ZNF608: variants seen among roughly 807,000 people sequenced by gnomAD.
ZNF608 encodes the protein renal carcinoma antigen NY-REN-36.
ZNF608 carries 12 observed loss-of-function variants against 109.0 expected under a neutral mutation model. That is an observed-to-expected ratio of 0.11 (90% confidence interval 0.07 to 0.18). The LOEUF (loss-of-function observed/expected upper bound fraction) is 0.18. Ranked by LOEUF, ZNF608 falls within the 10% of genes least tolerant of loss-of-function variation. The probability of loss-of-function intolerance (pLI) is 1.00; values close to 1 mark genes in which losing one functional copy is unlikely to be tolerated. For missense variants in ZNF608, 1,707 were observed against 1,879.3 expected, an observed-to-expected ratio of 0.91 and a Z score of 1.70; for synonymous variants, 732 against 717.4, an observed-to-expected ratio of 1.02 and a Z score of -0.33.
At chr5:124,650,423 G>T (rs116669705) in intron 3 of ZNF608, among the ~76,000 whole-genome samples, 1 of 152,184 alleles carries the variant, frequency 6.6e-6, no homozygotes, top group Non-Finnish European at 1.5e-5. Context: ...TATCTTTGGA[G>T]TCAACTTTGG....
At chr5:124,700,887 G>A (rs1199381263) in intron 3 of ZNF608, 127 bp downstream of exon 3, 2 of 1,275,550 alleles carry the variant, frequency 1.6e-6, no homozygotes, top group Non-Finnish European at 2.1e-6. Flanking sequence ...CAAATCCAGA[G>A]AGCGGAAATA....
chr5:124,678,206 C>T (rs1023260823), intron 3 of ZNF608, among the ~76,000 whole-genome samples: 1 of 152,066 alleles, frequency 6.6e-6, no homozygotes, highest in Non-Finnish European at 1.5e-5. Flanking sequence ...TTTTCCACCA[C>T]CAAAAAAGGA....
chr5:124,641,239 T>C lies in ZNF608; in HGVS notation c.4450+13A>G. The C allele has an allele frequency of 1.2e-6, 2 of 1,613,384 alleles. No individual in the cohort carries two copies. The highest frequency in any genetic ancestry group is 1.7e-6 in the Non-Finnish European group (2 of 1,180,024). On this transcript the variant is annotated intron_variant, in intron 8 of 9. Transcript: ENST00000513986. The stretch of plus-strand genomic sequence containing the variant: ...AGAATGGACAAAGACACAGTAATGA[T>C]AGAGCTGCTGACCTTGAAAAGGGTC...
chr5:124,672,934 G>C (rs1379979714), intron 3 of ZNF608, among the ~76,000 whole-genome samples: 1 of 152,168 alleles, frequency 6.6e-6, no homozygotes. Flanking sequence ...TGAGTATGAG[G>C]TGACAACAGT....
At chr5:124,645,197 T>C (rs968673800) in intron 5 of ZNF608, among the ~76,000 whole-genome samples, 4 of 152,262 alleles carry the variant, frequency 2.6e-5, no homozygotes, top group African/African-American at 4.8e-5. Flanking sequence ...CTACTGCAGC[T>C]GAGGCTTAAT....
chr5:124,699,303 T>C (rs1752959544), intron 3 of ZNF608, among the ~76,000 whole-genome samples: 1 of 152,186 alleles, frequency 6.6e-6, no homozygotes, highest in African/African-American at 2.4e-5. Flanking sequence ...GCTCCCCACA[T>C]GGGACCCCTT....
chr5:124,737,627 C>T (rs921617187), intron 2 of ZNF608, among the ~76,000 whole-genome samples: 1 of 152,130 alleles, frequency 6.6e-6, no homozygotes, highest in African/African-American at 2.4e-5. Context: ...TAAGTATTTG[C>T]TTTGTGATCA....
chr5:124,687,594 G>A (rs190935785), intron 3 of ZNF608, among the ~76,000 whole-genome samples: 1 of 152,138 alleles, frequency 6.6e-6, no homozygotes, highest in African/African-American at 2.4e-5. Context: ...ACCTTCTTAG[G>A]TCTCCTGACT....
In ZNF608 at chr5:124,707,013, G is replaced by A. The variant is rs997241704; in HGVS notation, c.907-5744C>T. ...GTAATCAGAGGGCTGGGTTGGGGGC[G>A]GGCAATCTGCAGGGAAACCCTGGCA... On this transcript the variant is annotated intron_variant, in intron 2 of 9. Transcript: ENST00000513986. 3.9e-5 allele frequency among the ~76,000 whole-genome samples: 6 copies of A among 152,184 alleles called. No individual in the cohort carries two copies. The East Asian group carries it at 5.8e-4, about 15-fold the overall frequency.
intron 2 of ZNF608, among the ~76,000 whole-genome samples, chr5:124,728,052 A>T (rs1748700566): frequency 6.6e-6 from 1 of 152,160 alleles, no homozygotes; most frequent in Non-Finnish European, 1.5e-5. Flanking sequence ...AAGTATCTTA[A>T]GAAACATCTG....
intron 3 of ZNF608, among the ~76,000 whole-genome samples, chr5:124,656,747 T>C (rs79361484): frequency 6.9e-6 from 1 of 145,132 alleles, no homozygotes; most frequent in African/African-American, 2.5e-5. Flanking sequence ...AATCCTTTTT[T>C]AAAAAAAAAA....
intron 3 of ZNF608, among the ~76,000 whole-genome samples, chr5:124,680,241 T>C (rs192641267): frequency 6.6e-6 from 1 of 152,142 alleles, no homozygotes; most frequent in South Asian, 2.1e-4. Context: ...TGACTGAAAT[T>C]ATCTCTATTT....
At chr5:124,699,626 T>C (rs984605134) in intron 3 of ZNF608, among the ~76,000 whole-genome samples, 3 of 152,222 alleles carry the variant, frequency 2.0e-5, no homozygotes, top group Admixed American at 2.0e-4. Flanking sequence ...AATATTTTTA[T>C]TTAACTACGA....
intron 2 of ZNF608, among the ~76,000 whole-genome samples, chr5:124,729,420 T>C (rs1748773285): frequency 6.6e-6 from 1 of 152,116 alleles, no homozygotes; most frequent in Non-Finnish European, 1.5e-5. Flanking sequence ...GGATAGCGAG[T>C]GGCAGCAAAG....
chr5:124,637,878 A>G lies in ZNF608; in HGVS notation c.*22T>C, dbSNP rs763967948. 1.2e-6 allele frequency: 2 copies of G among 1,608,104 alleles called. No homozygotes were observed. Among genetic ancestry groups the G allele is most frequent in the Admixed American group, 1.7e-5 (1 of 59,068 alleles). On this transcript the variant is annotated 3_prime_UTR_variant, in exon 10 of 10. Coordinates refer to ENST00000513986, the MANE Select transcript of ZNF608 (RefSeq NM_020747.3). ...CTTCCCCATGTGATCCAGTCACATGACAATGTACATGTCCAATCTTGTTAT... is the reference window on the plus strand; with the variant it reads ...CTTCCCCATGTGATCCAGTCACATGGCAATGTACATGTCCAATCTTGTTAT...
chr5:124,643,482 C>A, intron 7 of ZNF608, 29 bp downstream of exon 7: 1 of 1,609,884 alleles, frequency 6.2e-7, no homozygotes, highest in Non-Finnish European at 8.5e-7. Context: ...AATCACAGTA[C>A]TTTTAAATAA....
At chr5:124,713,245 G>A (rs992074179) in intron 2 of ZNF608, among the ~76,000 whole-genome samples, 3 of 152,098 alleles carry the variant, frequency 2.0e-5, no homozygotes, top group Non-Finnish European at 4.4e-5. Context: ...TCCCTTTCCA[G>A]TCTTAGAGCA....
intron 3 of ZNF608, among the ~76,000 whole-genome samples, chr5:124,687,022 C>T (rs986108964): frequency 6.6e-6 from 1 of 152,144 alleles, no homozygotes; most frequent in African/African-American, 2.4e-5. Flanking sequence ...ACTTAATAAG[C>T]TGAATTAAGT....
chr5:124,674,630 A>C (rs186001304), intron 3 of ZNF608, among the ~76,000 whole-genome samples: 1 of 152,312 alleles, frequency 6.6e-6, no homozygotes, highest in Admixed American at 6.5e-5. Context: ...TTTTGCTTTG[A>C]GACAGAGTCT....
Sources: allele counts gnomAD v4.1 joint callset (sites outside exome capture counted in the v4.1 genomes callset), GRCh38; gene constraint gnomAD v4.1.1; transcripts MANE v1.5; gene names NCBI Gene and HGNC (gene_info 2026-07-23, HGNC 2026-07-21).